Variants in FARSB observed in about 807,000 individuals in gnomAD.
The protein encoded by FARSB is phenylalanyl-tRNA synthetase subunit beta.
A neutral mutation model predicts 69.6 loss-of-function variants in FARSB; 40 were observed. The ratio of observed to expected loss-of-function variants is 0.57; its 90% CI spans 0.45 to 0.75. The LOEUF (loss-of-function observed/expected upper bound fraction) is 0.75. FARSB is among the 30% of genes least tolerant of loss of function. The probability of loss-of-function intolerance (pLI) is 0.00; values close to 1 mark genes in which losing one functional copy is unlikely to be tolerated. For missense variants in FARSB, 632 were observed against 722.9 expected (o/e 0.87, Z 1.44); for synonymous variants, 235 against 247.2 (o/e 0.95, Z 0.46).
At chr2:222,604,975 T>TG (rs71408522) in intron 15 of FARSB, among the ~76,000 whole-genome samples, 40,307 of 152,026 alleles carry the variant, frequency 0.27, 5,725 homozygotes, top group Middle Eastern at 0.44. Context: ...GCCATATCTA[T>TG]GCCAGCTGAG....
rs749909877 is a variant in FARSB at position 222,624,319 on chromosome 2, T to C, written c.1123A>G (p.Asn375Asp). ...TTCGGGAGAGTCATCTGAATGTTGT[T>C]ATATCCATAAGCAATAGCTGCATCT... ...VEDAAIAYGY[N>D]NIQMTLPKTY... Residue 375 changes from asparagine to aspartate, a missense_variant, in exon 12 of 17, where the codon AAC (asparagine) becomes GAC (aspartate). Physicochemically the swap from Asn to Asp is conservative, Grantham distance 23 (BLOSUM62 1). Coordinates refer to ENST00000281828, the MANE Select transcript of FARSB (RefSeq NM_005687.5). 6.2e-7 allele frequency: 1 copy of C among 1,612,962 alleles called. No individual in the cohort carries two copies. Among genetic ancestry groups the C allele is most frequent in the South Asian group, 1.1e-5 (1 of 91,058 alleles).
intron 15 of FARSB, among the ~76,000 whole-genome samples, chr2:222,610,691 T>C (rs530713488): frequency 2.0e-4 from 30 of 152,328 alleles, no homozygotes; most frequent in African/African-American, 7.0e-4. Context: ...AGCTTAGGAA[T>C]TGTAAATATC....
chr2:222,623,236 T>C (rs1229796174), intron 13 of FARSB, among the ~76,000 whole-genome samples: 1 of 152,206 alleles, frequency 6.6e-6, no homozygotes, highest in Non-Finnish European at 1.5e-5. Flanking sequence ...TTTGTGAACA[T>C]GTTCAAAGAC....
At chr2:222,590,374 G>C (rs1019478204) in intron 16 of FARSB, among the ~76,000 whole-genome samples, 2 of 152,066 alleles carry the variant, frequency 1.3e-5, no homozygotes, top group Non-Finnish European at 2.9e-5. Context: ...ATGGGGTGGG[G>C]GAAGGGGGAG....
At chr2:222,602,455 C>T (rs1447628285) in intron 15 of FARSB, among the ~76,000 whole-genome samples, 4 of 151,752 alleles carry the variant, frequency 2.6e-5, no homozygotes, top group South Asian at 2.1e-4. Context: ...TATACATCTA[C>T]AGCAATTAAA....
Position 222,636,401 on chromosome 2 carries a change from AAAAG to A in FARSB, c.456-1864_456-1861del, listed in dbSNP as rs1245649008. Among the ~76,000 whole-genome samples the A allele has an allele frequency of 2.6e-4, 40 of 151,590 alleles. 1 individual carries two copies. The highest frequency in any genetic ancestry group is 8.8e-5 in the Non-Finnish European group (6 of 67,908). On this transcript the variant is annotated intron_variant, in intron 5 of 16. Coordinates refer to ENST00000281828, the MANE Select transcript of FARSB (RefSeq NM_005687.5). Reference sequence around the variant, plus strand: ...ACTCTATCTCAAAAAAAAAAAAAAAAAAAGAATATGCTTAAAACTGTAGAGTCAA... The same window carrying A: ...ACTCTATCTCAAAAAAAAAAAAAAAAAATATGCTTAAAACTGTAGAGTCAA...
chr2:222,595,893 G>A (rs1297495872), intron 16 of FARSB, among the ~76,000 whole-genome samples: 2 of 151,112 alleles, frequency 1.3e-5, no homozygotes, highest in African/African-American at 2.4e-5. Flanking sequence ...AAAAAATGAA[G>A]GGGAAGAAGC....
Position 222,638,172 on chromosome 2 carries a change from G to A in FARSB, c.455+1408C>T, listed in dbSNP as rs1479172337. ...TAAATTTAATAACTTAGACAATATC[G>A]ATATATCCCTTGAAATACGTAAACT... On this transcript the variant is annotated intron_variant, in intron 5 of 16. Transcript: ENST00000281828. 1.1e-4 allele frequency among the ~76,000 whole-genome samples: 16 copies of A among 152,088 alleles called. 1 individual carries two copies. Among genetic ancestry groups the A allele is most frequent in the Admixed American group, 8.5e-4 (13 of 15,262 alleles).
At chr2:222,619,804 T>C in intron 13 of FARSB, 67 bp from the exon 14 acceptor site, 3 of 879,098 alleles carry the variant, frequency 3.4e-6, no homozygotes, top group Admixed American at 2.0e-5. Flanking sequence ...TAAAAAGTAA[T>C]GCTGTAAGTC....
intron 14 of FARSB, among the ~76,000 whole-genome samples, chr2:222,615,335 T>C (rs1690970457): frequency 6.6e-6 from 1 of 152,220 alleles, no homozygotes; most frequent in Non-Finnish European, 1.5e-5. Flanking sequence ...CTGTGGCCTA[T>C]TCTCCATACG....
Position 222,639,583 on chromosome 2 carries a change from C to T in FARSB, c.452G>A (p.Cys151Tyr). Residue 151 changes from cysteine to tyrosine, a missense_variant, in exon 5 of 17, where the codon TGC (cysteine) becomes TAC (tyrosine). By Grantham distance (194) the Cys-to-Tyr change is radical. Coordinates refer to ENST00000281828, the MANE Select transcript of FARSB (RefSeq NM_005687.5). ...ELQEKLHQNICRKRALVAIGT... is the reference protein window; with the variant it reads ...ELQEKLHQNIYRKRALVAIGT... Reference sequence around the variant, plus strand: ...GAAAGAAAATGCAACCACAAACCTGCAAATATTCTGATGTAATTTCTCCTG... The same window carrying T: ...GAAAGAAAATGCAACCACAAACCTGTAAATATTCTGATGTAATTTCTCCTG... 6.6e-7 allele frequency: 1 copy of T among 1,512,006 alleles called. No individual in the cohort carries two copies. Among genetic ancestry groups the T allele is most frequent in the Non-Finnish European group, 9.1e-7 (1 of 1,101,340 alleles). 93.7% of individuals were successfully genotyped at this position (1,512,006 alleles called of 1,614,324 possible).
chr2:222,634,564 A>G, intron 5 of FARSB, 23 bp from the exon 6 acceptor site: 1 of 1,583,052 alleles, frequency 6.3e-7, no homozygotes, highest in Non-Finnish European at 8.6e-7. Flanking sequence ...AGGTTGAGGG[A>G]GAAGGAGGGA....
In FARSB at chr2:222,567,900, G is replaced by A. The variant is rs962592209; in HGVS notation, c.*3971C>T. On this transcript the variant is annotated 3_prime_UTR_variant, in exon 17 of 17. Transcript: ENST00000281828. ...GAAACAACTGAATGTCCACCAACAA[G>A]GGAATAATTGAACAATTACGGACAT... The A allele has an allele frequency of 6.6e-6, 1 of 152,082 alleles. No individual in the cohort carries two copies. Among genetic ancestry groups the A allele is most frequent in the African/African-American group, 2.4e-5 (1 of 41,396 alleles). 9.4% of individuals were successfully genotyped at this position (152,082 alleles called of 1,614,324 possible). A position where few individuals can be genotyped will look rare whatever the true frequency, so the allele number is the denominator to read the frequency against.
At chr2:222,621,205 A>G (rs1490558230) in intron 13 of FARSB, among the ~76,000 whole-genome samples, 1 of 152,254 alleles carries the variant, frequency 6.6e-6, no homozygotes, top group Non-Finnish European at 1.5e-5. Flanking sequence ...CTTGTATTTT[A>G]TCATGGCAAT....
chr2:222,624,549 A>G (rs776694121), intron 11 of FARSB, 70 bp from the exon 12 acceptor site: 23 of 1,092,360 alleles, frequency 2.1e-5, no homozygotes, highest in Non-Finnish European at 2.8e-5. Context: ...GTGTTTCAAC[A>G]TATGCTACTA....
intron 1 of FARSB, 112 bp from the exon 2 acceptor site, chr2:222,648,907 A>C: frequency 1.3e-6 from 1 of 763,364 alleles, no homozygotes; most frequent in Non-Finnish European, 2.4e-6. Context: ...CATACTACTA[A>C]ATATCAGGCA....
At chr2:222,593,019 A>G (rs1232145673) in intron 16 of FARSB, among the ~76,000 whole-genome samples, 6 of 152,146 alleles carry the variant, frequency 3.9e-5, no homozygotes, top group African/African-American at 1.4e-4. Flanking sequence ...CTTGGTTAAC[A>G]GACTAAAAAC....
chr2:222,598,097 C>T (rs1040463415), intron 16 of FARSB, among the ~76,000 whole-genome samples: 1 of 152,198 alleles, frequency 6.6e-6, no homozygotes, highest in Non-Finnish European at 1.5e-5. Context: ...AAAGGCCCAT[C>T]TCACTTTGCA....
chr2:222,630,754 A>T (rs899342959), intron 8 of FARSB, among the ~76,000 whole-genome samples: 6 of 152,196 alleles, frequency 3.9e-5, no homozygotes, highest in Non-Finnish European at 7.3e-5. Context: ...TTTCACTCCT[A>T]TATATACAGG....
Sources: gnomAD v4.1 joint callset for allele counts (sites outside exome capture counted in the v4.1 genomes callset) on GRCh38, gnomAD v4.1.1 for gene constraint, MANE v1.5 for transcripts, NCBI Gene and HGNC (gene_info 2026-07-23, HGNC 2026-07-21) for gene names.